ZBTB20: variants seen among roughly 807,000 people sequenced by gnomAD.
ZBTB20 encodes zinc finger and BTB domain-containing protein 20.
A neutral mutation model predicts 56.9 loss-of-function variants in ZBTB20; 9 were observed. The observed-to-expected ratio is 0.16, with a 90% CI of 0.10 to 0.28. The LOEUF is 0.28. Among genes scored for constraint, ZBTB20 ranks in the 10% least tolerant of loss-of-function variants. The probability of loss-of-function intolerance (pLI) is 1.00; values close to 1 mark genes in which losing one functional copy is unlikely to be tolerated. For synonymous variants in ZBTB20, 417 were observed against 420.7 expected (o/e 0.99, Z 0.11); for missense variants, 655 against 1,003.0 (o/e 0.65, Z 4.69).
chr3:114,344,822 T>C (rs2080061146), intron 11 of ZBTB20, among the ~76,000 whole-genome samples: 1 of 152,208 alleles, frequency 6.6e-6, no homozygotes, highest in Non-Finnish European at 1.5e-5. Context: ...ACTATGTCTA[T>C]TTACACTGAA....
chr3:115,119,824 G>A (rs2084129409), intron 1 of ZBTB20, among the ~76,000 whole-genome samples: 1 of 152,146 alleles, frequency 6.6e-6, no homozygotes, highest in Non-Finnish European at 1.5e-5. Flanking sequence ...ACACAAGCAA[G>A]AGTGTAATAC....
At chr3:114,770,239 G>T (rs2069103197) in intron 5 of ZBTB20, among the ~76,000 whole-genome samples, 1 of 151,878 alleles carries the variant, frequency 6.6e-6, no homozygotes, top group South Asian at 2.1e-4. Context: ...AGGAGTTCAA[G>T]ACCAGCCTGG....
At chr3:114,907,138 T>C (rs1036150085) in intron 3 of ZBTB20, among the ~76,000 whole-genome samples, 2 of 151,806 alleles carry the variant, frequency 1.3e-5, no homozygotes, top group African/African-American at 4.8e-5. Flanking sequence ...AGCATATCCT[T>C]TTCTATGTAC....
intron 2 of ZBTB20, among the ~76,000 whole-genome samples, chr3:115,046,764 G>C (rs781043684): frequency 6.6e-6 from 1 of 152,030 alleles, no homozygotes; most frequent in Non-Finnish European, 1.5e-5. Flanking sequence ...GGCAAGTCTG[G>C]TTCTCCATAC....
chr3:115,003,311 G>A (rs1202468434), intron 2 of ZBTB20, among the ~76,000 whole-genome samples: 1 of 151,530 alleles, frequency 6.6e-6, no homozygotes, highest in Non-Finnish European at 1.5e-5. Flanking sequence ...ATCAATATTG[G>A]TTCATTAGTT....
At chr3:114,382,982 C>T (rs1232391166) in intron 8 of ZBTB20, among the ~76,000 whole-genome samples, 1 of 152,266 alleles carries the variant, frequency 6.6e-6, no homozygotes, top group Non-Finnish European at 1.5e-5. Context: ...GTAGCTTAGA[C>T]AAAGCTGTCA....
At position 114,316,354 on chromosome 3, in the gene ZBTB20, C is replaced by G; in HGVS notation, c.*22651G>C. On this transcript the variant is annotated 3_prime_UTR_variant, in exon 12 of 12. Transcript: ENST00000675478. ...AGTAGCTGTTTTTATTTTTTGTGAT[C>G]TGTTGCAAGAGTCCAACCTTGTTTC... is the stretch of plus-strand genomic sequence containing the variant. 2.5e-6 allele frequency: 1 copy of G among 401,472 alleles called. No homozygotes were observed. Among genetic ancestry groups the G allele is most frequent in the South Asian group, 1.9e-5 (1 of 51,880 alleles). The allele number at this position is 401,472 out of a possible 1,614,324, so 24.9% of individuals were successfully genotyped here.
chr3:114,464,910 G>A (rs1210734547), intron 7 of ZBTB20, among the ~76,000 whole-genome samples: 1 of 152,084 alleles, frequency 6.6e-6, no homozygotes, highest in African/African-American at 2.4e-5. Context: ...TACATTACAA[G>A]GTTCTTTTTC....
intron 2 of ZBTB20, among the ~76,000 whole-genome samples, chr3:115,029,946 A>G (rs1420263681): frequency 6.6e-6 from 1 of 151,096 alleles, no homozygotes; most frequent in Non-Finnish European, 1.5e-5. Flanking sequence ...AGCAAAAACA[A>G]ATGAAACTAA....
chr3:114,476,282 T>C (rs1347399606), intron 7 of ZBTB20, among the ~76,000 whole-genome samples: 1 of 152,128 alleles, frequency 6.6e-6, no homozygotes, highest in Non-Finnish European at 1.5e-5. Context: ...TCTAACAAGA[T>C]TTACCATGGG....
chr3:114,769,403 T>C (rs2069016807), intron 5 of ZBTB20, among the ~76,000 whole-genome samples: 1 of 151,406 alleles, frequency 6.6e-6, no homozygotes, highest in Admixed American at 6.6e-5. Flanking sequence ...ACATATATAC[T>C]ATATACATAC....
intron 2 of ZBTB20, among the ~76,000 whole-genome samples, chr3:115,066,223 C>G (rs553483736): frequency 5.8e-4 from 89 of 152,240 alleles, no homozygotes; most frequent in African/African-American, 2.0e-3. Context: ...TCAATTCCTT[C>G]CTGACCTCTG....
chr3:114,476,827 C>T (rs537446889), intron 7 of ZBTB20, among the ~76,000 whole-genome samples: 3 of 152,284 alleles, frequency 2.0e-5, no homozygotes. Context: ...TGCATAATGG[C>T]TTTTGTTTAC....
intron 6 of ZBTB20, among the ~76,000 whole-genome samples, chr3:114,623,164 T>C (rs763814276): frequency 5.3e-5 from 8 of 152,072 alleles, no homozygotes; most frequent in Non-Finnish European, 7.4e-5. Context: ...AGGGACCTGA[T>C]GGTAAAGGAT....
chr3:114,989,733 A>G (rs1346676807), intron 2 of ZBTB20, among the ~76,000 whole-genome samples: 1 of 152,186 alleles, frequency 6.6e-6, no homozygotes, highest in Non-Finnish European at 1.5e-5. Flanking sequence ...CCTATCCATG[A>G]GCATGGAATG....
chr3:114,646,592 A>C (rs1481060385), intron 6 of ZBTB20, among the ~76,000 whole-genome samples: 1 of 152,256 alleles, frequency 6.6e-6, no homozygotes, highest in Non-Finnish European at 1.5e-5. Flanking sequence ...TTGGAGAGTT[A>C]GTTGACTTTT....
intron 4 of ZBTB20, among the ~76,000 whole-genome samples, chr3:114,805,863 T>G (rs689287): frequency 0.043 from 6,576 of 151,948 alleles, 485 homozygotes; most frequent in African/African-American, 0.15. Flanking sequence ...CTCTTTCATG[T>G]AGCTTTTTCA....
chr3:114,376,709 T>C (rs2083675461), intron 10 of ZBTB20, among the ~76,000 whole-genome samples: 1 of 151,790 alleles, frequency 6.6e-6, no homozygotes, highest in African/African-American at 2.4e-5. Flanking sequence ...CAATGAAAAA[T>C]AAATAAAAAC....
chr3:114,990,739 C>G (rs1053338691), intron 2 of ZBTB20, among the ~76,000 whole-genome samples: 1 of 151,988 alleles, frequency 6.6e-6, no homozygotes, highest in African/African-American at 2.4e-5. Flanking sequence ...TGGTCCTGGA[C>G]TTTTTTTGGT....
Sources: allele counts gnomAD v4.1 joint callset (sites outside exome capture counted in the v4.1 genomes callset), GRCh38; gene constraint gnomAD v4.1.1; transcripts MANE v1.5; gene names NCBI Gene and HGNC (gene_info 2026-07-23, HGNC 2026-07-21).